PIK3R3: variants seen among roughly 807,000 people sequenced by gnomAD.
The protein encoded by PIK3R3 is phosphoinositide-3-kinase regulatory subunit 3.
PIK3R3 carries 64 observed loss-of-function variants against 62.9 expected under a neutral mutation model. That is an observed-to-expected ratio of 1.02 (90% CI 0.83 to 1.25). PIK3R3 has a LOEUF of 1.25. PIK3R3 is among the 50% of genes most tolerant of loss of function. PIK3R3 has a pLI of 0.00. For synonymous variants in PIK3R3, 165 were observed against 189.0 expected, an observed-to-expected ratio of 0.87 and a Z score of 1.04; for missense variants, 614 against 561.6, an observed-to-expected ratio of 1.09 and a Z score of -0.94.
chr1:46,047,773 T>G (rs9429178), intron 7 of PIK3R3, among the ~76,000 whole-genome samples: 10 of 136,668 alleles, frequency 7.3e-5, no homozygotes, highest in Middle Eastern at 7.6e-3. Flanking sequence ...TTTTTGTTTG[T>G]TTGGTTGGTT....
In PIK3R3 at chr1:46,055,924, T is replaced by G. The variant is rs1647857535; in HGVS notation, c.812A>C (p.His271Pro). The G allele has an allele frequency of 6.2e-7, 1 of 1,607,564 alleles. No individual in the cohort carries two copies. Among genetic ancestry groups the G allele is most frequent in the Non-Finnish European group, 8.5e-7 (1 of 1,176,614 alleles). Residue 271 changes from histidine to proline, a missense_variant, in exon 7 of 10, where the codon CAT (histidine) becomes CCT (proline). By Grantham distance (77) the His-to-Pro change is moderately conservative. Transcript: ENST00000262741. Reference protein sequence around the residue: ...DKLKSRLGEIHDSKMRLEQDL... With the variant: ...DKLKSRLGEIPDSKMRLEQDL... ...CTGCTCTAGACGCATTTTGCTATCATGAATCTCACCCAGACGTGATTTCAA... is the reference window on the plus strand; with the variant it reads ...CTGCTCTAGACGCATTTTGCTATCAGGAATCTCACCCAGACGTGATTTCAA...
the PIK3R3 span, among the ~76,000 whole-genome samples, chr1:46,157,814 G>A: frequency 6.6e-6 from 1 of 152,172 alleles, no homozygotes; most frequent in African/African-American, 2.4e-5. Flanking sequence ...GGTGCCCAGG[G>A]CAGACACATG....
intron 6 of PIK3R3, among the ~76,000 whole-genome samples, chr1:46,059,931 C>T (rs1276440745): frequency 2.6e-5 from 4 of 151,850 alleles, no homozygotes; most frequent in Non-Finnish European, 5.9e-5. Context: ...GAAACCCTAT[C>T]TCTACTAAAA....
chr1:46,077,920 G>T (rs1650220913), intron 2 of PIK3R3, among the ~76,000 whole-genome samples: 2 of 152,170 alleles, frequency 1.3e-5, no homozygotes, highest in Admixed American at 1.3e-4. Context: ...AGGCAGGTCT[G>T]AACTTGTAAA....
At chr1:46,095,730 G>A (rs894066442) in intron 1 of PIK3R3, among the ~76,000 whole-genome samples, 11 of 152,108 alleles carry the variant, frequency 7.2e-5, no homozygotes, top group African/African-American at 2.4e-4. Context: ...CATTTAGGTT[G>A]ATATATTAGA....
At chr1:46,110,742 T>G (rs1557621354) in intron 1 of PIK3R3, among the ~76,000 whole-genome samples, 1 of 152,110 alleles carries the variant, frequency 6.6e-6, no homozygotes, top group Non-Finnish European at 1.5e-5. Context: ...TGGTCAGCAT[T>G]TAGGCTTACC....
the PIK3R3 span, among the ~76,000 whole-genome samples, chr1:46,145,816 G>A: frequency 1.3e-5 from 2 of 152,176 alleles, no homozygotes; most frequent in African/African-American, 4.8e-5. Flanking sequence ...TACTGACAAT[G>A]CTCTCCTTAG....
chr1:46,073,351 T>C (rs1299313246), intron 3 of PIK3R3, among the ~76,000 whole-genome samples: 2 of 152,182 alleles, frequency 1.3e-5, no homozygotes, highest in African/African-American at 4.8e-5. Context: ...AGGTCCGGCC[T>C]ACAGAGAAGG....
At chr1:46,094,416 T>A (rs1651924517) in intron 1 of PIK3R3, among the ~76,000 whole-genome samples, 1 of 152,238 alleles carries the variant, frequency 6.6e-6, no homozygotes, top group Admixed American at 6.5e-5. Context: ...GGGAAAACAT[T>A]TATTTTAATT....
At chr1:46,170,325 C>T in the PIK3R3 span, among the ~76,000 whole-genome samples, 4 of 152,168 alleles carry the variant, frequency 2.6e-5, no homozygotes, top group Non-Finnish European at 4.4e-5. Flanking sequence ...TCTGCTTTCT[C>T]TATCCCCACC....
At chr1:46,087,998 T>C (rs776075086) in intron 1 of PIK3R3, among the ~76,000 whole-genome samples, 1 of 152,160 alleles carries the variant, frequency 6.6e-6, no homozygotes, top group African/African-American at 2.4e-5. Flanking sequence ...GAGTTTCAAC[T>C]GGGGAAAATG....
chr1:46,054,697 G>A (rs372328117), intron 7 of PIK3R3, among the ~76,000 whole-genome samples: 1 of 152,148 alleles, frequency 6.6e-6, no homozygotes, highest in Non-Finnish European at 1.5e-5. Flanking sequence ...TCTGTCCTAT[G>A]AAGCAGTTAT....
intron 1 of PIK3R3, among the ~76,000 whole-genome samples, chr1:46,098,285 A>G (rs1652336344): frequency 6.6e-6 from 1 of 152,246 alleles, no homozygotes; most frequent in Admixed American, 6.5e-5. Context: ...CAATGTGGAA[A>G]AAGTGAAACC....
At chr1:46,058,973 G>A (rs192470482) in intron 6 of PIK3R3, among the ~76,000 whole-genome samples, 3 of 152,306 alleles carry the variant, frequency 2.0e-5, no homozygotes, top group African/African-American at 2.4e-5. Flanking sequence ...CTCTTGAATT[G>A]TACTCCCATA....
intron 6 of PIK3R3, among the ~76,000 whole-genome samples, chr1:46,060,073 G>A (rs6672212): frequency 0.035 from 5,278 of 151,388 alleles, 308 homozygotes; most frequent in African/African-American, 0.12. Context: ...GCACTCCAGC[G>A]TGGGCGACAG....
chr1:46,082,763 C>T (rs964105969), intron 1 of PIK3R3, among the ~76,000 whole-genome samples: 1 of 151,988 alleles, frequency 6.6e-6, no homozygotes, highest in East Asian at 1.9e-4. Context: ...TATTTCCCCC[C>T]AAAGAGAAGT....
At chr1:46,150,575 G>A in the PIK3R3 span, among the ~76,000 whole-genome samples, 1 of 152,072 alleles carries the variant, frequency 6.6e-6, no homozygotes, top group Non-Finnish European at 1.5e-5. Context: ...CCCATTCTTG[G>A]AGAGAGAAAA....
chr1:46,046,580 CCAGA>C lies in PIK3R3; in HGVS notation c.983_986del (p.Val328GlyfsTer53). On this transcript the variant is annotated frameshift_variant, in exon 8 of 10. Transcript: ENST00000262741. LOFTEE classifies it high-confidence loss of function. ...CAGCATCCTCATTCTTAATTCCCAG[CCAGA>C]CATTCAGGCGTTTCTGTCTCACTCC... The C allele has an allele frequency of 1.9e-6, 3 of 1,613,440 alleles. No individual in the cohort carries two copies. Among genetic ancestry groups the C allele is most frequent in the Non-Finnish European group, 2.5e-6 (3 of 1,179,388 alleles).
chr1:46,078,528 C>A (rs1039674255), intron 2 of PIK3R3, among the ~76,000 whole-genome samples: 5 of 151,928 alleles, frequency 3.3e-5, no homozygotes, highest in African/African-American at 1.2e-4. Context: ...GGGGACTGAA[C>A]GAGACTCTAT....
Sources: allele counts gnomAD v4.1 joint callset (sites outside exome capture counted in the v4.1 genomes callset), GRCh38; gene constraint gnomAD v4.1.1; transcripts MANE v1.5; gene names NCBI Gene and HGNC (gene_info 2026-07-23, HGNC 2026-07-21).